The following LAMC2 variants were observed in gnomAD, a reference collection of about 807,000 sequenced individuals.
The protein encoded by LAMC2 is laminin subunit gamma 2.
Under a neutral mutation model 140.2 loss-of-function variants are expected in LAMC2, and 97 were observed. The observed-to-expected ratio is 0.69, with a 90% CI of 0.59 to 0.82. The LOEUF (loss-of-function observed/expected upper bound fraction) is 0.82, where lower values mean the gene tolerates loss of function less well. Ranked by LOEUF, LAMC2 falls within the 40% of genes least tolerant of loss-of-function variation. The probability of loss-of-function intolerance (pLI) is 0.00; values close to 1 mark genes in which losing one functional copy is unlikely to be tolerated. For missense variants in LAMC2, 1,402 were observed against 1,476.1 expected, an observed-to-expected ratio of 0.95 and a Z score of 0.82; for synonymous variants, 513 against 540.2, an observed-to-expected ratio of 0.95 and a Z score of 0.70.
intron 16 of LAMC2, 21 bp from the exon 17 acceptor site, chr1:183,236,439 C>A (rs1322003085): frequency 6.2e-6 from 10 of 1,611,910 alleles, no homozygotes; most frequent in Non-Finnish European, 7.6e-6. Flanking sequence ...ATTACCGCCC[C>A]CTCCCCACCC....
chr1:183,198,603 A>G (rs538038927), intron 1 of LAMC2, among the ~76,000 whole-genome samples: 1 of 152,290 alleles, frequency 6.6e-6, no homozygotes, highest in African/African-American at 2.4e-5. Context: ...ACCAGCACAC[A>G]CTGTCAGGTT....
intron 17 of LAMC2, 142 bp from the exon 18 acceptor site, chr1:183,237,209 GT>G: frequency 1.2e-6 from 1 of 841,196 alleles, no homozygotes; most frequent in Non-Finnish European, 2.0e-6. Context: ...TTTTTGTTAG[GT>G]TTTGGGCCTG....
In LAMC2 at chr1:183,243,383, G is replaced by A. The variant is rs745498613; in HGVS notation, c.3565G>A (p.Ala1189Thr). Residue 1189 changes from alanine to threonine, a missense_variant, in exon 23 of 23, where the codon GCT (alanine) becomes ACT (threonine). By Grantham distance (58) the Ala-to-Thr change is moderately conservative. Transcript: ENST00000264144. ...GCCCCCAGGCTGCTACAATACCCAG[G>A]CTCTTGAGCAACAGTGAAGCTGCCA... ...NLPPGCYNTQ[A>T]LEQQ The A allele has an allele frequency of 1.9e-6, 3 of 1,614,088 alleles. No individual in the cohort carries two copies. The African/African-American group carries it at 4.0e-5, about 22-fold the overall frequency.
chr1:183,249,887 T>A (rs1660330037), downstream of LAMC2: 1 of 152,206 alleles, frequency 6.6e-6, no homozygotes, highest in African/African-American at 2.4e-5. Flanking sequence ...AATCTACTTC[T>A]ATGGCACCTG....
At chr1:183,231,247 T>C in intron 12 of LAMC2, 144 bp downstream of exon 12, 3 of 986,818 alleles carry the variant, frequency 3.0e-6, no homozygotes, top group Non-Finnish European at 4.6e-6. Flanking sequence ...TAAAAATTGC[T>C]GCATTAAAAA....
At chr1:183,221,866 A>G (rs1000355030) in intron 5 of LAMC2, among the ~76,000 whole-genome samples, 17 of 152,336 alleles carry the variant, frequency 1.1e-4, no homozygotes, top group African/African-American at 3.4e-4. Flanking sequence ...GTCAGACTCA[A>G]AGATGAGAAA....
In LAMC2 at chr1:183,231,015, C is replaced by T. The variant is rs780253131; in HGVS notation, c.1769C>T (p.Thr590Ile). Reference sequence around the variant, plus strand: ...CCTGTAGGATGTCGAAGTGATGGCACCTGTGTTTGCAAGCCAGGATTTGGT... The same window carrying T: ...CCTGTAGGATGTCGAAGTGATGGCATCTGTGTTTGCAAGCCAGGATTTGGT... ...SEPVGCRSDG[T>I]CVCKPGFGGP... Residue 590 changes from threonine (T) to isoleucine (I), a missense_variant, in exon 12 of 23, where the codon ACC becomes ATC. By Grantham distance (89) the Thr-to-Ile change is moderately conservative. Around this residue, in one of 3 missense-constraint regions of LAMC2, gnomAD observed 723 missense variants for 783.3 expected, o/e 0.92. Coordinates refer to ENST00000264144, the MANE Select transcript of LAMC2 (RefSeq NM_005562.3). 12 of 1,614,124 alleles carry T rather than the reference C, an allele frequency of 7.4e-6. No homozygotes were observed. The highest frequency in any genetic ancestry group is 1.7e-5 in the Admixed American group (1 of 60,022).
At chr1:183,239,931 C>T (rs1289194228) in intron 20 of LAMC2, 109 bp from the exon 21 acceptor site, 6 of 1,194,426 alleles carry the variant, frequency 5.0e-6, no homozygotes, top group South Asian at 1.2e-5. Context: ...ATCTAATTTA[C>T]TCCATCAGGG....
chr1:183,203,508 AAGT>A (rs1318171361), intron 1 of LAMC2, among the ~76,000 whole-genome samples: 2 of 139,082 alleles, frequency 1.4e-5, no homozygotes, highest in African/African-American at 5.2e-5. Flanking sequence ...TAGCGAGAGT[AAGT>A]AATAAATGGT....
At chr1:183,256,822 G>C in the LAMC2 span, among the ~76,000 whole-genome samples, 1 of 152,086 alleles carries the variant, frequency 6.6e-6, no homozygotes. Flanking sequence ...CATGATCTCA[G>C]TTCACTGCAA....
intron 1 of LAMC2, among the ~76,000 whole-genome samples, chr1:183,197,544 C>T (rs1034750351): frequency 6.6e-6 from 1 of 151,926 alleles, no homozygotes; most frequent in Admixed American, 6.6e-5. Context: ...GGCGTGCTGG[C>T]GGGCGCCTAT....
intron 9 of LAMC2, 30 bp from the exon 10 acceptor site, chr1:183,227,485 T>G: frequency 3.1e-6 from 5 of 1,594,698 alleles, no homozygotes; most frequent in Non-Finnish European, 3.4e-6. Flanking sequence ...TGCTCACTTC[T>G]CTGCCCCTCC....
chr1:183,222,140 AATG>A lies in LAMC2; in HGVS notation c.693_695del (p.Trp232del). ...CGAAATGGGTCTCCTGCAAAGCTCC[AATG>A]GTCACAGCGCCATCAAGATGTGTTT... On this transcript the variant is annotated inframe_deletion, in exon 6 of 23. Coordinates refer to ENST00000264144, the MANE Select transcript of LAMC2 (RefSeq NM_005562.3). 1 of 1,614,150 alleles carries A rather than the reference AATG, an allele frequency of 6.2e-7. No homozygotes were observed. Among genetic ancestry groups the A allele is most frequent in the Non-Finnish European group, 8.5e-7 (1 of 1,179,964 alleles).
At position 183,243,309 on chromosome 1, in the gene LAMC2, A is replaced by T; in HGVS notation, c.3491A>T (p.Asp1164Val). Residue 1164 changes from aspartate (D) to valine (V), a missense_variant, in exon 23 of 23, where the codon GAT (aspartate) becomes GTT (valine). Physicochemically the swap from Asp to Val is radical, Grantham distance 152 (BLOSUM62 -3). This residue lies in a region of LAMC2 where 670 missense variants were observed against 667.2 expected (regional missense o/e 1.00). Transcript: ENST00000264144. ...GHLHLLETSI[D>V]GILADVKNLE... ...CTCCATTTGCTGGAGACAAGCATAG[A>T]TGGGATTCTGGCTGATGTGAAGAAC... 6.2e-7 allele frequency: 1 copy of T among 1,614,188 alleles called. No individual in the cohort carries two copies. The highest frequency in any genetic ancestry group is 8.5e-7 in the Non-Finnish European group (1 of 1,180,024).
chr1:183,236,219 G>T (rs1278463721), intron 16 of LAMC2, among the ~76,000 whole-genome samples: 2 of 151,422 alleles, frequency 1.3e-5, no homozygotes, highest in Non-Finnish European at 2.9e-5. Context: ...GTGAAATTTT[G>T]CTTTTGTTAA....
chr1:183,215,984 G>C (rs1027223858), intron 3 of LAMC2, among the ~76,000 whole-genome samples: 4 of 152,186 alleles, frequency 2.6e-5, no homozygotes, highest in Non-Finnish European at 4.4e-5. Context: ...GGGTGGAACT[G>C]TTCTGCATAA....
In LAMC2 at chr1:183,227,548, T is replaced by C. The variant is rs144463148; in HGVS notation, c.1319T>C (p.Ile440Thr). The C allele has an allele frequency of 1.9e-6, 3 of 1,614,040 alleles. No homozygotes were observed. Among genetic ancestry groups the C allele is most frequent in the African/African-American group, 1.3e-5 (1 of 74,904 alleles). Reference sequence around the variant, plus strand: ...TATTCAGGGGATGAGAATCCTGACATTGAGTGTGCTGACTGCCCAATTGGT... The same window carrying C: ...TATTCAGGGGATGAGAATCCTGACACTGAGTGTGCTGACTGCCCAATTGGT... ...DCYSGDENPD[I>T]ECADCPIGFY... The change falls in exon 10 of 23, where the codon ATT (isoleucine) becomes ACT (threonine). Residue 440 changes from isoleucine to threonine, a missense_variant. Coordinates refer to ENST00000264144, the MANE Select transcript of LAMC2 (RefSeq NM_005562.3).
the LAMC2 span, chr1:183,252,409 A>AT: frequency 2.8e-6 from 1 of 363,590 alleles, no homozygotes; most frequent in African/African-American, 2.2e-5. Context: ...CCCGACTCCC[A>AT]CCCCATTCCC....
chr1:183,204,337 G>A (rs1397064216), intron 1 of LAMC2, among the ~76,000 whole-genome samples: 1 of 151,658 alleles, frequency 6.6e-6, no homozygotes, highest in Non-Finnish European at 1.5e-5. Context: ...GTGCACACCT[G>A]TAATTCCCAG....
Sources: gnomAD v4.1 joint callset for allele counts (sites outside exome capture counted in the v4.1 genomes callset) on GRCh38, gnomAD v4.1.1 for gene constraint, gnomAD v4.1.1 regional missense constraint, MANE v1.5 for transcripts, NCBI Gene and HGNC (gene_info 2026-07-23, HGNC 2026-07-21) for gene names.